PDE11A: variants seen among roughly 807,000 people sequenced by gnomAD.
PDE11A encodes dual 3',5'-cyclic-AMP and -GMP phosphodiesterase 11A.
PDE11A carries 100 observed loss-of-function variants against 100.5 expected under a neutral mutation model. That is an observed-to-expected ratio of 1.00 (90% CI 0.85 to 1.18). The LOEUF (loss-of-function observed/expected upper bound fraction) is 1.18, where lower values mean the gene tolerates loss of function less well. Ranked by LOEUF, PDE11A falls within the 50% of genes most tolerant of loss-of-function variation. The pLI, the probability that PDE11A is intolerant of heterozygous loss-of-function variation, is 0.00. For synonymous variants in PDE11A, 381 were observed against 420.8 expected (o/e 0.91, Z 1.16); for missense variants, 1,141 against 1,152.6 (o/e 0.99, Z 0.15).
At chr2:178,016,131 A>ATTTTT (rs55638601) in intron 1 of PDE11A, among the ~76,000 whole-genome samples, 2,112 of 83,630 alleles carry the variant, frequency 0.025, 86 homozygotes, top group Middle Eastern at 0.043. Flanking sequence ...TGCCTGGCTA[A>ATTTTT]TTTTTTTTTT....
intron 9 of PDE11A, among the ~76,000 whole-genome samples, chr2:177,808,756 G>A (rs1453111125): frequency 6.6e-6 from 1 of 152,044 alleles, no homozygotes; most frequent in Non-Finnish European, 1.5e-5. Flanking sequence ...TACATTGAGG[G>A]GACCTGTGTT....
chr2:177,788,992 C>G (rs1297391482), intron 9 of PDE11A, among the ~76,000 whole-genome samples: 1 of 152,218 alleles, frequency 6.6e-6, no homozygotes, highest in African/African-American at 2.4e-5. Flanking sequence ...CCCTCTGAAA[C>G]TATTCCAATC....
intron 6 of PDE11A, among the ~76,000 whole-genome samples, chr2:177,833,634 A>C (rs2083344951): frequency 1.3e-5 from 2 of 152,192 alleles, no homozygotes; most frequent in African/African-American, 4.8e-5. Flanking sequence ...ATTTCTATTT[A>C]CTGAAAGTTG....
At chr2:177,914,427 T>A (rs1462733511) in intron 2 of PDE11A, among the ~76,000 whole-genome samples, 1 of 152,126 alleles carries the variant, frequency 6.6e-6, no homozygotes, top group African/African-American at 2.4e-5. Flanking sequence ...GAAGATCTTT[T>A]ACAAAGATAT....
chr2:177,769,059 T>C (rs1382829641), intron 10 of PDE11A, among the ~76,000 whole-genome samples: 1 of 152,186 alleles, frequency 6.6e-6, no homozygotes, highest in Non-Finnish European at 1.5e-5. Context: ...CACCATATTA[T>C]AGACTTTTTT....
intron 2 of PDE11A, among the ~76,000 whole-genome samples, chr2:177,999,924 C>G (rs1242802541): frequency 6.6e-6 from 1 of 152,232 alleles, no homozygotes; most frequent in African/African-American, 2.4e-5. Context: ...TTCTTCCCCT[C>G]TTAACATACT....
intron 2 of PDE11A, among the ~76,000 whole-genome samples, chr2:177,959,750 CTCAAA>C (rs1168326698): frequency 6.6e-6 from 1 of 152,068 alleles, no homozygotes; most frequent in African/African-American, 2.4e-5. Context: ...ATATCCAAAA[CTCAAA>C]TCAAGTAGAG....
At chr2:177,726,079 T>C (rs1210709660) in intron 12 of PDE11A, among the ~76,000 whole-genome samples, 1 of 149,466 alleles carries the variant, frequency 6.7e-6, no homozygotes, top group African/African-American at 2.5e-5. Context: ...AAAAACAAAA[T>C]GAAGATTTTT....
At chr2:178,028,070 A>G (rs1002068225) in intron 1 of PDE11A, among the ~76,000 whole-genome samples, 1 of 152,148 alleles carries the variant, frequency 6.6e-6, no homozygotes, top group Admixed American at 6.6e-5. Flanking sequence ...AGGACTTGGA[A>G]GCAGCTTAAC....
At position 177,637,698 on chromosome 2, in the gene PDE11A, A is replaced by G. The variant is rs1310003700; in HGVS notation, c.2647-8136T>C. ...TATTTCCACCATCCTGTCTTCAGCT[A>G]TGTTTTACATCTGTCTTTTCCCTCT... On this transcript the variant is annotated intron_variant, in intron 19 of 19. Transcript: ENST00000286063. Among the ~76,000 whole-genome samples, 20 of 150,646 alleles carry G rather than the reference A, an allele frequency of 1.3e-4. No individual in the cohort carries two copies. The East Asian group carries it at 3.6e-3, about 27-fold the overall frequency.
intron 2 of PDE11A, among the ~76,000 whole-genome samples, chr2:177,935,200 A>G (rs548377191): frequency 6.6e-6 from 1 of 152,274 alleles, no homozygotes; most frequent in South Asian, 2.1e-4. Flanking sequence ...CTGGTTAAGC[A>G]TGTTGTCTCT....
At chr2:177,754,827 G>A (rs1293245105) in intron 10 of PDE11A, among the ~76,000 whole-genome samples, 2 of 152,194 alleles carry the variant, frequency 1.3e-5, no homozygotes, top group African/African-American at 4.8e-5. Context: ...ACACAAATCT[G>A]CCAACGAGCC....
At chr2:177,916,871 C>T (rs2084960936) in intron 2 of PDE11A, among the ~76,000 whole-genome samples, 1 of 151,644 alleles carries the variant, frequency 6.6e-6, no homozygotes, top group Non-Finnish European at 1.5e-5. Flanking sequence ...CGCCATTCTC[C>T]TGGCTCAGCC....
intron 10 of PDE11A, among the ~76,000 whole-genome samples, chr2:177,738,132 G>A (rs2081819699): frequency 1.3e-5 from 1 of 76,676 alleles, no homozygotes; most frequent in South Asian, 4.7e-4. Context: ...TGTGAATCCG[G>A]TGCTCCATTT....
intron 10 of PDE11A, among the ~76,000 whole-genome samples, chr2:177,734,207 T>C (rs2081738412): frequency 1.3e-5 from 2 of 152,184 alleles, no homozygotes; most frequent in Admixed American, 1.3e-4. Flanking sequence ...TGGGAAAGTC[T>C]CCAAATTCAG....
intron 1 of PDE11A, among the ~76,000 whole-genome samples, chr2:178,062,334 C>T (rs1308125853): frequency 1.9e-5 from 2 of 107,076 alleles, no homozygotes; most frequent in South Asian, 2.8e-4. Context: ...TACCTGAAGA[C>T]AGAAAAAAAA....
At chr2:178,015,461 C>T (rs1554776) in intron 1 of PDE11A, among the ~76,000 whole-genome samples, 91,792 of 151,822 alleles carry the variant, frequency 0.6, 29,107 homozygotes, top group Admixed American at 0.71. Context: ...TAAAGTTAAA[C>T]CATGGGAGCT....
At chr2:178,008,344 AGTT>A (rs1388735622) in intron 2 of PDE11A, among the ~76,000 whole-genome samples, 1 of 152,218 alleles carries the variant, frequency 6.6e-6, no homozygotes, top group African/African-American at 2.4e-5. Context: ...TAAGCTGATT[AGTT>A]GTTTGAGGGT....
chr2:177,962,106 A>C (rs1478020335), intron 2 of PDE11A, among the ~76,000 whole-genome samples: 2 of 151,610 alleles, frequency 1.3e-5, no homozygotes, highest in Non-Finnish European at 2.9e-5. Flanking sequence ...TACTACCTAA[A>C]ATTATCTCAC....
Sources: gnomAD v4.1 joint callset for allele counts (sites outside exome capture counted in the v4.1 genomes callset) on GRCh38, gnomAD v4.1.1 for gene constraint, MANE v1.5 for transcripts, NCBI Gene and HGNC (gene_info 2026-07-23, HGNC 2026-07-21) for gene names.